ANKFY1: variants seen among roughly 807,000 people sequenced by gnomAD.
The protein encoded by ANKFY1 is ankyrin repeat and FYVE domain-containing protein 1.
Under a neutral mutation model 128.3 loss-of-function variants are expected in ANKFY1, and 47 were observed. That is an observed-to-expected ratio of 0.37 (90% confidence interval 0.29 to 0.47). The LOEUF (loss-of-function observed/expected upper bound fraction) is 0.47, where lower values mean the gene tolerates loss of function less well. Ranked by LOEUF, ANKFY1 falls within the 20% of genes least tolerant of loss-of-function variation. ANKFY1 has a pLI of 1.00. For synonymous variants in ANKFY1, 553 were observed against 601.6 expected (o/e 0.92, Z 1.18); for missense variants, 1,222 against 1,510.6 (o/e 0.81, Z 3.17).
In ANKFY1 at chr17:4,238,439, T is replaced by C. The variant is rs575274636; in HGVS notation, c.204-2549A>G. Reference sequence around the variant, plus strand: ...ATCTGATATTTAACTGTAGATAACATAGAGTTTCAATCTTCTTTAGATAAA... The same window carrying C: ...ATCTGATATTTAACTGTAGATAACACAGAGTTTCAATCTTCTTTAGATAAA... On this transcript the variant is annotated intron_variant, in intron 2 of 24. Transcript: ENST00000341657. Among the ~76,000 whole-genome samples the C allele has an allele frequency of 1.2e-4, 18 of 152,110 alleles. No homozygotes were observed. The South Asian group carries it at 3.3e-3, about 28-fold the overall frequency.
chr17:4,173,413 G>C lies in ANKFY1; in HGVS notation c.2955C>G (p.Leu985=). The change falls in exon 21 of 25, where the codon CTC becomes CTG. Residue 985 remains leucine, a synonymous_variant. Coordinates refer to ENST00000341657, the MANE Select transcript of ANKFY1 (RefSeq NM_001330063.2). ...CTGTCAGGAGAACCCGGATGTTGTTGAGCCGGCCGTGCATGACAGCAAGAT... is the reference window on the plus strand; with the variant it reads ...CTGTCAGGAGAACCCGGATGTTGTTCAGCCGGCCGTGCATGACAGCAAGAT... ...ALHLAVMHGR[L]NNIRVLLTEC... is the part of the protein sequence containing the mutation. The C allele has an allele frequency of 1.2e-6, 2 of 1,614,212 alleles. No individual in the cohort carries two copies. The highest frequency in any genetic ancestry group is 1.7e-6 in the Non-Finnish European group (2 of 1,180,022).
At chr17:4,246,906 G>A (rs1194159459) in intron 1 of ANKFY1, among the ~76,000 whole-genome samples, 1 of 152,086 alleles carries the variant, frequency 6.6e-6, no homozygotes, top group African/African-American at 2.4e-5. Flanking sequence ...AAGCCCATGA[G>A]TTTGAGACCA....
In ANKFY1 at chr17:4,177,317, G is replaced by A. The variant is rs1284844076; in HGVS notation, c.2599-15C>T. The A allele has an allele frequency of 2.6e-6, 4 of 1,563,616 alleles. No homozygotes were observed. The highest frequency in any genetic ancestry group is 3.5e-6 in the Non-Finnish European group (4 of 1,152,612). ...TTGTTATCCACCTACAGCAACAAGT[G>A]CAAAGCAAAATATTAGTTCCCTTTT... On this transcript the variant is annotated splice_polypyrimidine_tract_variant and intron_variant, in intron 18 of 24. Coordinates refer to ENST00000341657, the MANE Select transcript of ANKFY1 (RefSeq NM_001330063.2).
intron 3 of ANKFY1, chr17:4,222,197 C>A: frequency 6.0e-6 from 1 of 167,412 alleles, no homozygotes; most frequent in South Asian, 2.3e-4. Flanking sequence ...CCCCTGCTGC[C>A]CGCGCCTGGC....
intron 1 of ANKFY1, chr17:4,263,557 C>A: frequency 6.5e-7 from 1 of 1,534,254 alleles, no homozygotes; most frequent in Non-Finnish European, 8.7e-7. Flanking sequence ...CAGAACGTGC[C>A]AGGACAGCAG....
At chr17:4,205,570 G>A (rs1255609199) in intron 7 of ANKFY1, among the ~76,000 whole-genome samples, 4 of 152,002 alleles carry the variant, frequency 2.6e-5, no homozygotes, top group Admixed American at 2.6e-4. Context: ...GTGACACCCC[G>A]TCTCTACTAA....
intron 11 of ANKFY1, chr17:4,188,533 T>C (rs2059652329): frequency 6.6e-6 from 1 of 152,180 alleles, no homozygotes; most frequent in Non-Finnish European, 1.5e-5. Context: ...ATCCTAACGA[T>C]ACATGCTGCT....
chr17:4,211,035 C>T (rs2143018002), intron 4 of ANKFY1, among the ~76,000 whole-genome samples: 1 of 150,904 alleles, frequency 6.6e-6, no homozygotes, highest in South Asian at 2.1e-4. Context: ...CCATCAACAA[C>T]AACAACAAAA....
chr17:4,256,383 G>C (rs982464810), intron 1 of ANKFY1, among the ~76,000 whole-genome samples: 3 of 151,662 alleles, frequency 2.0e-5, no homozygotes, highest in Non-Finnish European at 2.9e-5. Flanking sequence ...AGCTGAGATC[G>C]CACCACTGCA....
At chr17:4,262,156 GTC>G (rs1968454108) in intron 1 of ANKFY1, among the ~76,000 whole-genome samples, 2 of 152,140 alleles carry the variant, frequency 1.3e-5, no homozygotes, top group South Asian at 2.1e-4. Context: ...GTGTGACCTA[GTC>G]TCTCTCTTTT....
chr17:4,260,638 A>C (rs1034303876), intron 1 of ANKFY1, among the ~76,000 whole-genome samples: 17 of 151,600 alleles, frequency 1.1e-4, no homozygotes, highest in African/African-American at 2.9e-4. Flanking sequence ...AAAAAAAAAA[A>C]AAAACCCACA....
intron 3 of ANKFY1, chr17:4,223,193 C>A: frequency 1.3e-6 from 1 of 797,198 alleles, no homozygotes; most frequent in South Asian, 1.4e-5. Flanking sequence ...GCAAAGTCTT[C>A]ATCACAGAAA....
chr17:4,262,392 C>T (rs1968467417), intron 1 of ANKFY1, among the ~76,000 whole-genome samples: 1 of 152,138 alleles, frequency 6.6e-6, no homozygotes, highest in African/African-American at 2.4e-5. Context: ...CTCCCGAGTA[C>T]CTGGAATTAC....
At chr17:4,179,619 C>G (rs1424566534) in intron 17 of ANKFY1, 102 bp downstream of exon 17, 1 of 1,446,088 alleles carries the variant, frequency 6.9e-7, no homozygotes, top group Non-Finnish European at 9.3e-7. Flanking sequence ...CATGAAGCAG[C>G]AGCGCCTGGA....
rs756806371 is a variant in ANKFY1, at chr17:4,178,836, G to T, written c.2598+21C>A. The T allele has an allele frequency of 3.1e-6, 5 of 1,611,822 alleles. No individual in the cohort carries two copies. In the East Asian group the frequency reaches 8.9e-5, roughly 29 times the overall value. ...GCGACGCCCAGGACCATGTGGAGAA[G>T]GTCAGGTGTTATTCACTCACCTGCT... On this transcript the variant is annotated intron_variant, in intron 18 of 24. Coordinates refer to ENST00000341657, the MANE Select transcript of ANKFY1 (RefSeq NM_001330063.2). This position sits in a 1 kb window ranked among gnomAD's most constrained non-coding sequence, Gnocchi z 4.1.
intron 1 of ANKFY1, among the ~76,000 whole-genome samples, chr17:4,261,247 G>T (rs868553560): frequency 3.9e-4 from 59 of 152,330 alleles, no homozygotes; most frequent in Middle Eastern, 3.4e-3. Flanking sequence ...CCAGCACTTT[G>T]GGAGGCCGAG....
In ANKFY1 at chr17:4,217,077, A is replaced by G; in HGVS notation, c.364T>C (p.Tyr122His). Residue 122 changes from tyrosine to histidine, a missense_variant, in exon 4 of 25, where the codon TAT (tyrosine) becomes CAT (histidine). Tyr to His is a moderately conservative substitution (Grantham distance 83). Transcript: ENST00000341657. ...TCTCTGAACTCCAGCTCATCTGTAT[A>G]GATCCAGCGAAGCATTGTCATCGTC... Reference protein sequence around the residue: ...EVTMTMLRWIYTDELEFREDD... With the variant: ...EVTMTMLRWIHTDELEFREDD... The G allele has an allele frequency of 6.2e-7, 1 of 1,613,634 alleles. No individual in the cohort carries two copies. The highest frequency in any genetic ancestry group is 8.5e-7 in the Non-Finnish European group (1 of 1,179,874).
chr17:4,192,019 A>T (rs2059726215), intron 10 of ANKFY1, among the ~76,000 whole-genome samples: 4 of 35,994 alleles, frequency 1.1e-4, no homozygotes, highest in African/African-American at 1.9e-4. Flanking sequence ...TAATCTGGAG[A>T]CTCCTAGTTG....
intron 2 of ANKFY1, among the ~76,000 whole-genome samples, chr17:4,237,498 A>C (rs917576672): frequency 6.6e-6 from 1 of 152,202 alleles, no homozygotes; most frequent in Non-Finnish European, 1.5e-5. Context: ...AATAATTTTT[A>C]AATTCTATAT....
Sources: allele counts gnomAD v4.1 joint callset (sites outside exome capture counted in the v4.1 genomes callset), GRCh38; gene constraint gnomAD v4.1.1; non-coding constraint Gnocchi (gnomAD v3.1); transcripts MANE v1.5; gene names NCBI Gene and HGNC (gene_info 2026-07-23, HGNC 2026-07-21).